ETV6: variants seen among roughly 807,000 people sequenced by gnomAD.
The protein encoded by ETV6 is transcription factor ETV6.
Under a neutral mutation model 51.1 loss-of-function variants are expected in ETV6, and 16 were observed. That is an observed-to-expected ratio of 0.31 (90% CI 0.21 to 0.48). ETV6 has a LOEUF of 0.48. Among genes scored for constraint, ETV6 ranks in the 20% least tolerant of loss-of-function variants. The pLI is 0.99. For synonymous variants in ETV6, 240 were observed against 224.1 expected (o/e 1.07, Z -0.64); for missense variants, 458 against 594.8 (o/e 0.77, Z 2.39).
At chr12:11,739,926 T>C (rs1009005718) in intron 1 of ETV6, among the ~76,000 whole-genome samples, 1 of 152,178 alleles carries the variant, frequency 6.6e-6, no homozygotes, top group Non-Finnish European at 1.5e-5. Flanking sequence ...AAAGTTAGAG[T>C]CATAATTTTT....
intron 3 of ETV6, among the ~76,000 whole-genome samples, chr12:11,846,756 C>G (rs1326540956): frequency 6.6e-6 from 1 of 152,244 alleles, no homozygotes; most frequent in African/African-American, 2.4e-5. Flanking sequence ...CATTCACTCA[C>G]TCACTGATTA....
intron 2 of ETV6, among the ~76,000 whole-genome samples, chr12:11,810,806 G>A (rs763458622): frequency 1.1e-4 from 17 of 152,140 alleles, no homozygotes; most frequent in Non-Finnish European, 2.2e-4. Flanking sequence ...AGGACTTGGG[G>A]TTAGATGGAT....
intron 4 of ETV6, among the ~76,000 whole-genome samples, chr12:11,863,146 C>A (rs1353887786): frequency 6.6e-6 from 1 of 152,166 alleles, no homozygotes; most frequent in African/African-American, 2.4e-5. Flanking sequence ...GGAAACTTAT[C>A]GGTCAAAACT....
At chr12:11,660,650 C>T (rs1108211) in intron 1 of ETV6, among the ~76,000 whole-genome samples, 104,732 of 149,312 alleles carry the variant, frequency 0.7, 42,070 homozygotes, top group Non-Finnish European at 0.87. Flanking sequence ...ATTTGCTAAG[C>T]TCTTTTGTTA....
chr12:11,711,219 C>G (rs983353306), intron 1 of ETV6, among the ~76,000 whole-genome samples: 1 of 152,182 alleles, frequency 6.6e-6, no homozygotes, highest in Admixed American at 6.5e-5. Context: ...GTTTTCTTTT[C>G]CCAGCCATAT....
intron 5 of ETV6, among the ~76,000 whole-genome samples, chr12:11,883,118 C>T (rs1947126004): frequency 6.6e-6 from 1 of 152,140 alleles, no homozygotes; most frequent in South Asian, 2.1e-4. Context: ...ATTGGTGCTG[C>T]TCCTCATCTG....
chr12:11,709,784 A>T (rs1229383097), intron 1 of ETV6, among the ~76,000 whole-genome samples: 1 of 152,232 alleles, frequency 6.6e-6, no homozygotes, highest in Non-Finnish European at 1.5e-5. Context: ...AGGGAATGCC[A>T]CAGCAGATGG....
intron 1 of ETV6, among the ~76,000 whole-genome samples, chr12:11,738,542 A>G (rs1320469860): frequency 6.6e-6 from 1 of 151,728 alleles, no homozygotes; most frequent in Admixed American, 6.6e-5. Flanking sequence ...CCTGGGCTCA[A>G]GTGATCCTCC....
chr12:11,744,449 C>T (rs1865870846), intron 1 of ETV6, among the ~76,000 whole-genome samples: 1 of 152,188 alleles, frequency 6.6e-6, no homozygotes, highest in East Asian at 1.9e-4. Flanking sequence ...AGGTGGATCA[C>T]AAGCTTAGAG....
At chr12:11,880,150 T>G (rs1185863094) in intron 5 of ETV6, among the ~76,000 whole-genome samples, 1 of 152,168 alleles carries the variant, frequency 6.6e-6, no homozygotes, top group Non-Finnish European at 1.5e-5. Context: ...TAAAAGCCAC[T>G]TATACTCTGA....
intron 2 of ETV6, among the ~76,000 whole-genome samples, chr12:11,778,364 C>G (rs980396063): frequency 2.0e-5 from 3 of 152,236 alleles, no homozygotes; most frequent in Admixed American, 1.3e-4. Context: ...TTGTGAGCCA[C>G]TTGAGGAGAG....
chr12:11,866,196 G>C lies in ETV6; in HGVS notation c.464-3228G>C, dbSNP rs184529118. 4.0e-5 allele frequency among the ~76,000 whole-genome samples: 6 copies of C among 150,880 alleles called. No individual in the cohort carries two copies. In the East Asian group the frequency reaches 1.2e-3, roughly 30 times the overall value. ...TTTTCAGTTATAGAATCTTTATTTT[G>C]CCTTTTTTTTTAATTCCATTTCCCT... On this transcript the variant is annotated intron_variant, in intron 4 of 7. Transcript: ENST00000396373.
In ETV6 at chr12:11,650,156, T is replaced by A. The variant is rs1425860852; in HGVS notation, c.29T>A (p.Ile10Asn). MSETPAQCS[I>N]KQERISYTPP... ...TCTGAGACTCCTGCTCAGTGTAGCATTAAGGTAAAAATCTTCTCCCCTCCT... is the reference window on the plus strand; with the variant it reads ...TCTGAGACTCCTGCTCAGTGTAGCAATAAGGTAAAAATCTTCTCCCCTCCT... Residue 10 changes from isoleucine (I) to asparagine (N), a missense_variant, in exon 1 of 8, where the codon ATT becomes AAT. This residue lies in a region of ETV6 where 84 missense variants were observed against 75.9 expected (regional missense o/e 1.11). Coordinates refer to ENST00000396373, the MANE Select transcript of ETV6 (RefSeq NM_001987.5). The A allele has an allele frequency of 6.2e-7, 1 of 1,613,424 alleles. No homozygotes were observed. Among genetic ancestry groups the A allele is most frequent in the African/African-American group, 1.3e-5 (1 of 74,976 alleles).
At chr12:11,881,200 A>G (rs1232262109) in intron 5 of ETV6, among the ~76,000 whole-genome samples, 1 of 152,184 alleles carries the variant, frequency 6.6e-6, no homozygotes, top group Non-Finnish European at 1.5e-5. Context: ...CCTGCCTCCC[A>G]AAACAAACAT....
At chr12:11,866,800 TC>T (rs1394890544) in intron 4 of ETV6, among the ~76,000 whole-genome samples, 1 of 152,232 alleles carries the variant, frequency 6.6e-6, no homozygotes, top group Non-Finnish European at 1.5e-5. Context: ...CCAAAGGGTC[TC>T]CCTGGCACTT....
chr12:11,789,190 G>T (rs954491652), intron 2 of ETV6, among the ~76,000 whole-genome samples: 10 of 151,810 alleles, frequency 6.6e-5, no homozygotes, highest in Admixed American at 5.9e-4. Flanking sequence ...CAGCCACCAT[G>T]CCCAGCTAAT....
intron 1 of ETV6, among the ~76,000 whole-genome samples, chr12:11,695,377 C>G (rs1033132969): frequency 6.6e-6 from 1 of 152,198 alleles, no homozygotes; most frequent in South Asian, 2.1e-4. Flanking sequence ...GAAGGGAATT[C>G]TTTCATCAGA....
At chr12:11,790,025 AT>A (rs1945557095) in intron 2 of ETV6, among the ~76,000 whole-genome samples, 1 of 151,280 alleles carries the variant, frequency 6.6e-6, no homozygotes, top group Non-Finnish European at 1.5e-5. Context: ...AGGTCCAATA[AT>A]TATCTTTATT....
chr12:11,685,651 A>G (rs1864615746), intron 1 of ETV6, among the ~76,000 whole-genome samples: 1 of 152,182 alleles, frequency 6.6e-6, no homozygotes, highest in South Asian at 2.1e-4. Flanking sequence ...TGTGGGTGAT[A>G]GGAAGAAGAG....
Sources: allele counts gnomAD v4.1 joint callset (sites outside exome capture counted in the v4.1 genomes callset), GRCh38; gene constraint gnomAD v4.1.1; regional missense constraint gnomAD v4.1.1; transcripts MANE v1.5; gene names NCBI Gene and HGNC (gene_info 2026-07-23, HGNC 2026-07-21).